The following PDE3B variants were observed in gnomAD, a reference collection of about 807,000 sequenced individuals.
PDE3B encodes cGMP-inhibited 3',5'-cyclic phosphodiesterase 3B.
Under a neutral mutation model 116.8 loss-of-function variants are expected in PDE3B, and 66 were observed. That is an observed-to-expected ratio of 0.56 (90% CI 0.46 to 0.69). The LOEUF (loss-of-function observed/expected upper bound fraction) is 0.69. PDE3B is among the 30% of genes least tolerant of loss of function. The pLI is 0.00. For missense variants in PDE3B, 1,384 were observed against 1,368.1 expected, an observed-to-expected ratio of 1.01 and a Z score of -0.18; for synonymous variants, 595 against 533.6, an observed-to-expected ratio of 1.12 and a Z score of -1.59.
intron 1 of PDE3B, among the ~76,000 whole-genome samples, chr11:14,748,068 C>T (rs546823352): frequency 4.6e-5 from 7 of 152,204 alleles, no homozygotes; most frequent in Admixed American, 1.3e-4. Flanking sequence ...GTGTTATAAG[C>T]GAGTTATAAC....
the PDE3B span, chr11:14,885,948 A>G: frequency 6.2e-7 from 1 of 1,605,978 alleles, no homozygotes; most frequent in East Asian, 2.2e-5. Context: ...CAACATTTAA[A>G]TGACAGCATG....
chr11:14,649,632 G>T (rs1879890), intron 1 of PDE3B, among the ~76,000 whole-genome samples: 3 of 152,224 alleles, frequency 2.0e-5, no homozygotes, highest in Admixed American at 6.5e-5. Flanking sequence ...AAGTGAGAGA[G>T]AGTCAGTTAA....
chr11:14,672,660 C>T (rs184752451), intron 1 of PDE3B, among the ~76,000 whole-genome samples: 1 of 152,266 alleles, frequency 6.6e-6, no homozygotes, highest in Non-Finnish European at 1.5e-5. Flanking sequence ...TTATGTTGCT[C>T]TGCCACCTCT....
chr11:14,820,186 A>G (rs1045553355), intron 7 of PDE3B, among the ~76,000 whole-genome samples: 7 of 151,924 alleles, frequency 4.6e-5, no homozygotes, highest in African/African-American at 7.2e-5. Context: ...ATTCTTCACA[A>G]ACTCTTCCAA....
the PDE3B span, among the ~76,000 whole-genome samples, chr11:14,894,777 TA>T: frequency 6.6e-6 from 1 of 152,190 alleles, no homozygotes; most frequent in Non-Finnish European, 1.5e-5. Flanking sequence ...CTCAGCTCAA[TA>T]AGGAGAAATC....
chr11:14,861,464 G>C (rs1847949560), intron 14 of PDE3B, 98 bp downstream of exon 14: 1 of 1,109,858 alleles, frequency 9.0e-7, no homozygotes, highest in South Asian at 1.4e-5. Flanking sequence ...TTTGAAATCT[G>C]AGTTGCTTTG....
At chr11:14,842,088 G>A (rs2133972419) in intron 11 of PDE3B, among the ~76,000 whole-genome samples, 1 of 152,020 alleles carries the variant, frequency 6.6e-6, no homozygotes, top group Non-Finnish European at 1.5e-5. Flanking sequence ...TAGTTTTTCA[G>A]TAGATTTCTT....
rs1028659657 is a variant in PDE3B, at chr11:14,667,478, C to T, written c.978+22425C>T. On this transcript the variant is annotated intron_variant, in intron 1 of 15. Transcript: ENST00000282096. ...TTAAATTAAAAAAAAGAAAATGTGG[C>T]ACACATACACCATGGAATACTATGC... Among the ~76,000 whole-genome samples the T allele has an allele frequency of 3.3e-5, 5 of 149,620 alleles. No homozygotes were observed. The Admixed American group carries it at 3.3e-4, about 10-fold the overall frequency.
chr11:14,801,634 G>T (rs1278193708), intron 4 of PDE3B, among the ~76,000 whole-genome samples: 1 of 152,196 alleles, frequency 6.6e-6, no homozygotes, highest in Non-Finnish European at 1.5e-5. Flanking sequence ...TGAGGAGGTA[G>T]TCTGACCCTT....
intron 1 of PDE3B, among the ~76,000 whole-genome samples, chr11:14,760,976 T>A (rs1857345261): frequency 6.6e-6 from 1 of 152,180 alleles, no homozygotes; most frequent in Admixed American, 6.5e-5. Flanking sequence ...TGTTCTTAAC[T>A]GTAATTTTCC....
chr11:14,740,785 A>G (rs1165884451), intron 1 of PDE3B, among the ~76,000 whole-genome samples: 1 of 152,100 alleles, frequency 6.6e-6, no homozygotes, highest in Non-Finnish European at 1.5e-5. Flanking sequence ...TGTGCCAGAG[A>G]TTCTGATATG....
chr11:14,756,409 G>T (rs1019843824), intron 1 of PDE3B, among the ~76,000 whole-genome samples: 7 of 152,190 alleles, frequency 4.6e-5, no homozygotes, highest in African/African-American at 1.7e-4. Flanking sequence ...GTGGCTATAG[G>T]AGAGGCCCCT....
intron 1 of PDE3B, among the ~76,000 whole-genome samples, chr11:14,709,753 T>G (rs1296349878): frequency 6.6e-6 from 1 of 152,176 alleles, no homozygotes; most frequent in Non-Finnish European, 1.5e-5. Flanking sequence ...CTCTTATACG[T>G]TTTTTGTCAC....
the PDE3B span, among the ~76,000 whole-genome samples, chr11:14,889,164 G>GTTTTT: frequency 2.1e-5 from 3 of 140,176 alleles, no homozygotes; most frequent in Non-Finnish European, 1.5e-5. Flanking sequence ...AAGTCCAGTT[G>GTTTTT]TTTTTTTTTT....
chr11:14,758,468 C>T (rs1217878053), intron 1 of PDE3B, among the ~76,000 whole-genome samples: 1 of 146,932 alleles, frequency 6.8e-6, no homozygotes, highest in Non-Finnish European at 1.5e-5. Context: ...TTTGTATCCT[C>T]TTTTATTTCC....
chr11:14,864,384 TAGAC>T (rs1368172756), intron 14 of PDE3B, among the ~76,000 whole-genome samples: 1 of 152,092 alleles, frequency 6.6e-6, no homozygotes, highest in Non-Finnish European at 1.5e-5. Context: ...CTGTCAATAT[TAGAC>T]AGATCAAGAC....
chr11:14,696,496 A>G (rs1422322417), intron 1 of PDE3B, among the ~76,000 whole-genome samples: 5 of 152,024 alleles, frequency 3.3e-5, no homozygotes, highest in Non-Finnish European at 5.9e-5. Context: ...GGAGGTGTAT[A>G]TTTGTGTATC....
chr11:14,832,967 G>C, intron 10 of PDE3B, 134 bp downstream of exon 10: 1 of 477,180 alleles, frequency 2.1e-6, no homozygotes, highest in South Asian at 2.8e-5. Flanking sequence ...TTTTTTTCTT[G>C]AGACAAGAGT....
At chr11:14,725,671 C>A (rs889774053) in intron 1 of PDE3B, among the ~76,000 whole-genome samples, 3 of 143,432 alleles carry the variant, frequency 2.1e-5, no homozygotes, top group Non-Finnish European at 4.5e-5. Flanking sequence ...CATATTCAGT[C>A]CATTAGCAGC....
Sources: allele counts gnomAD v4.1 joint callset (sites outside exome capture counted in the v4.1 genomes callset), GRCh38; gene constraint gnomAD v4.1.1; transcripts MANE v1.5; gene names NCBI Gene and HGNC (gene_info 2026-07-23, HGNC 2026-07-21).